Variants in SCAP observed in about 807,000 individuals in gnomAD.
SCAP encodes sterol regulatory element-binding protein cleavage-activating protein.
A neutral mutation model predicts 123.6 loss-of-function variants in SCAP; 65 were observed. The observed-to-expected ratio is 0.53, with a 90% CI of 0.43 to 0.65. The LOEUF (loss-of-function observed/expected upper bound fraction) is 0.65. Among genes scored for constraint, SCAP ranks in the 30% least tolerant of loss-of-function variants. The pLI is 0.00. For synonymous variants in SCAP, 740 were observed against 726.3 expected, an observed-to-expected ratio of 1.02 and a Z score of -0.30; for missense variants, 1,398 against 1,712.5, an observed-to-expected ratio of 0.82 and a Z score of 3.24.
At chr3:47,458,249 G>C (rs1227208452) in intron 1 of SCAP, among the ~76,000 whole-genome samples, 1 of 152,172 alleles carries the variant, frequency 6.6e-6, no homozygotes, top group African/African-American at 2.4e-5. Flanking sequence ...GGCCAACACA[G>C]TGAAACCCCG....
chr3:47,416,688 G>A (rs979701488), intron 18 of SCAP, among the ~76,000 whole-genome samples: 7 of 147,202 alleles, frequency 4.8e-5, no homozygotes, highest in East Asian at 2.0e-4. Flanking sequence ...GTGCAGTGGC[G>A]GGATCTCGGC....
intron 1 of SCAP, among the ~76,000 whole-genome samples, chr3:47,460,052 T>C (rs1190847577): frequency 6.6e-6 from 1 of 152,212 alleles, no homozygotes; most frequent in African/African-American, 2.4e-5. Context: ...TGTCCATTTA[T>C]AGGCTCTCTG....
rs762565424 is a variant in SCAP, at chr3:47,427,150, A to T, written c.737+7T>A. Reference sequence around the variant, plus strand: ...CAGTCAAGAGCCCAGGGTACTGTCAATCTTACTTGGCATGGTAGTGCTGGA... The same window carrying T: ...CAGTCAAGAGCCCAGGGTACTGTCATTCTTACTTGGCATGGTAGTGCTGGA... On this transcript the variant is annotated splice_region_variant and intron_variant, in intron 6 of 22. Transcript: ENST00000265565. 6.2e-7 allele frequency: 1 copy of T among 1,605,522 alleles called. No individual in the cohort carries two copies. Among genetic ancestry groups the T allele is most frequent in the South Asian group, 1.1e-5 (1 of 90,926 alleles).
chr3:47,443,630 A>T (rs1291769372), intron 1 of SCAP, among the ~76,000 whole-genome samples: 2 of 152,218 alleles, frequency 1.3e-5, no homozygotes, highest in South Asian at 2.1e-4. Context: ...TAAAAAGCTT[A>T]GGTCTCTGAC....
rs773445612 is a variant in SCAP at position 47,417,265 on chromosome 3, C to T, written c.2970+39G>A. On this transcript the variant is annotated intron_variant, in intron 17 of 22. Coordinates refer to ENST00000265565, the MANE Select transcript of SCAP (RefSeq NM_012235.4). ...CCAGAAAGGCCCACAATCCCCGGGG[C>T]GGACAGCCGCTCTGCCCACCTTTAG... is the stretch of plus-strand genomic sequence containing the variant. 4.3e-5 allele frequency: 69 copies of T among 1,611,708 alleles called. 1 individual carries two copies. The highest frequency in any genetic ancestry group is 8.3e-5 in the Admixed American group (5 of 59,920).
At chr3:47,424,224 AC>A (rs1434484311) in intron 8 of SCAP, among the ~76,000 whole-genome samples, 179 bp from the exon 9 acceptor site, 1 of 152,080 alleles carries the variant, frequency 6.6e-6, no homozygotes, top group Non-Finnish European at 1.5e-5. Flanking sequence ...TCTACACAGC[AC>A]TCAGCTTTCA....
rs1706516596 is a variant in SCAP, at chr3:47,435,094, CCA to C, written c.164_165del (p.Val55GlyfsTer17). 6.2e-7 allele frequency: 1 copy of C among 1,614,096 alleles called. No homozygotes were observed. The highest frequency in any genetic ancestry group is 8.5e-7 in the Non-Finnish European group (1 of 1,179,992). ...LKLPLPGTGPVEFTTPVKDYS... is the reference protein window; with the variant it reads ...LKLPLPGTGPXEFTTPVKDYS... Reference sequence around the variant, plus strand: ...TAATCCTTCACAGGGGTGGTGAATTCCACAGGTCCTGTTCCTGGCAAGGGGAG... The same window carrying C: ...TAATCCTTCACAGGGGTGGTGAATTCCAGGTCCTGTTCCTGGCAAGGGGAG... On this transcript the variant is annotated frameshift_variant, in exon 3 of 23. Coordinates refer to ENST00000265565, the MANE Select transcript of SCAP (RefSeq NM_012235.4). LOFTEE classifies it high-confidence loss of function.
intron 16 of SCAP, 85 bp from the exon 17 acceptor site, chr3:47,417,911 G>GTGA: frequency 2.6e-6 from 1 of 391,426 alleles, no homozygotes; most frequent in Non-Finnish European, 4.6e-6. Flanking sequence ...GGGGGCGTGG[G>GTGA]AGTGAGAAGG....
intron 1 of SCAP, among the ~76,000 whole-genome samples, chr3:47,459,148 G>A (rs1299403883): frequency 6.6e-6 from 1 of 152,176 alleles, no homozygotes; most frequent in East Asian, 1.9e-4. Context: ...AGCCCATGGG[G>A]GCAGCCTTGT....
intron 1 of SCAP, 134 bp from the exon 2 acceptor site, chr3:47,443,225 T>A: frequency 2.1e-6 from 1 of 467,996 alleles, no homozygotes; most frequent in Non-Finnish European, 3.8e-6. Flanking sequence ...GTGACCTCAA[T>A]CCCAAAATAC....
At chr3:47,461,260 G>A (rs946377019) in intron 1 of SCAP, among the ~76,000 whole-genome samples, 3 of 152,152 alleles carry the variant, frequency 2.0e-5, no homozygotes, top group African/African-American at 4.8e-5. Context: ...CATCTACATG[G>A]TGCTCATTCC....
In SCAP at chr3:47,419,290, C is replaced by T; in HGVS notation, c.1940+38G>A. ...GGGGAAAGGGGATGGTGAGTTGACA[C>T]CATCGAGTGAGGTGGCACCTGGCAC... On this transcript the variant is annotated intron_variant, in intron 13 of 22. Coordinates refer to ENST00000265565, the MANE Select transcript of SCAP (RefSeq NM_012235.4). This position sits in a 1 kb window ranked among gnomAD's most constrained non-coding sequence, Gnocchi z 5.0. 2.5e-6 allele frequency: 4 copies of T among 1,574,710 alleles called. No homozygotes were observed. Among genetic ancestry groups the T allele is most frequent in the East Asian group, 2.2e-5 (1 of 44,486 alleles).
chr3:47,469,837 C>G, intron 1 of SCAP: 1 of 585,480 alleles, frequency 1.7e-6, no homozygotes, highest in Non-Finnish European at 3.3e-6. Flanking sequence ...GTTGGCAAGA[C>G]TCCATTTTGA....
chr3:47,428,880 A>G, intron 3 of SCAP: 1 of 518,366 alleles, frequency 1.9e-6, no homozygotes, highest in Non-Finnish European at 3.4e-6. Flanking sequence ...TTATGAGATA[A>G]AAGAACTGGC....
chr3:47,466,379 G>T (rs1707831177), intron 1 of SCAP, among the ~76,000 whole-genome samples: 1 of 151,974 alleles, frequency 6.6e-6, no homozygotes, highest in African/African-American at 2.4e-5. Flanking sequence ...ATGATACCTG[G>T]GTGTTTCACA....
Position 47,435,000 on chromosome 3 carries a change from G to C in SCAP, c.252+8C>G. Reference sequence around the variant, plus strand: ...TGTGCTGGCCTCAGGAACATGACGAGTACCCACCCACTCAGGCTGCTCAGT... The same window carrying C: ...TGTGCTGGCCTCAGGAACATGACGACTACCCACCCACTCAGGCTGCTCAGT... On this transcript the variant is annotated splice_region_variant and intron_variant, in intron 3 of 22. Coordinates refer to ENST00000265565, the MANE Select transcript of SCAP (RefSeq NM_012235.4). 6.2e-7 allele frequency: 1 copy of C among 1,614,096 alleles called. No homozygotes were observed. The highest frequency in any genetic ancestry group is 8.5e-7 in the Non-Finnish European group (1 of 1,179,980).
chr3:47,417,712 C>T lies in SCAP; in HGVS notation c.2562G>A (p.Leu854=). The T allele has an allele frequency of 6.2e-7, 1 of 1,608,274 alleles. No individual in the cohort carries two copies. Among genetic ancestry groups the T allele is most frequent in the Non-Finnish European group, 8.5e-7 (1 of 1,178,722 alleles). ...GCGGAGGGCCCCGGGGGCGGTGTCT[C>T]AGGGGAGGGCTGTCCCCAGGCTCCT... The part of the protein sequence containing the change: ...GPEEPGDSPP[L]RHRPRGPPPP... The change falls in exon 17 of 23, where the codon CTG becomes CTA. Residue 854 remains leucine, a synonymous_variant. Transcript: ENST00000265565.
intron 14 of SCAP, 51 bp from the exon 15 acceptor site, chr3:47,418,573 C>T: frequency 1.3e-6 from 2 of 1,546,986 alleles, no homozygotes; most frequent in Non-Finnish European, 8.7e-7. Flanking sequence ...CCTGTCCCCT[C>T]CCCTCCTCCC....
At chr3:47,431,451 C>A (rs905767135) in intron 3 of SCAP, among the ~76,000 whole-genome samples, 1 of 151,550 alleles carries the variant, frequency 6.6e-6, no homozygotes, top group Non-Finnish European at 1.5e-5. Flanking sequence ...GCCTAATGTC[C>A]TTTTTCTTTT....
Sources: gnomAD v4.1 joint callset for allele counts (sites outside exome capture counted in the v4.1 genomes callset) on GRCh38, gnomAD v4.1.1 for gene constraint, Gnocchi (gnomAD v3.1) non-coding constraint, MANE v1.5 for transcripts, NCBI Gene and HGNC (gene_info 2026-07-23, HGNC 2026-07-21) for gene names.